PLD1: variants seen among roughly 807,000 people sequenced by gnomAD.
PLD1 encodes the protein phospholipase D1, also known as choline phosphatase 1.
In PLD1, 112 loss-of-function variants were observed where a neutral mutation model predicts 137.1. The ratio of observed to expected loss-of-function variants is 0.82; its 90% confidence interval spans 0.70 to 0.96. PLD1 has a LOEUF of 0.96. Ranked by LOEUF, PLD1 falls within the 40% of genes least tolerant of loss-of-function variation. The pLI is 0.00. For missense variants in PLD1, 1,321 were observed against 1,342.0 expected, an observed-to-expected ratio of 0.98 and a Z score of 0.24; for synonymous variants, 431 against 454.7, an observed-to-expected ratio of 0.95 and a Z score of 0.66.
chr3:171,684,980 A>G (rs1941804946), intron 16 of PLD1, among the ~76,000 whole-genome samples: 1 of 152,232 alleles, frequency 6.6e-6, no homozygotes. Context: ...CATTGTGTGT[A>G]GTTGATTATT....
At chr3:171,628,177 A>T (rs960543296) in intron 23 of PLD1, among the ~76,000 whole-genome samples, 11 of 152,350 alleles carry the variant, frequency 7.2e-5, no homozygotes, top group African/African-American at 1.7e-4. Context: ...GATAAAGGGG[A>T]TATCACCATC....
At chr3:171,736,857 A>C (rs1420099491) in intron 3 of PLD1, among the ~76,000 whole-genome samples, 1 of 152,244 alleles carries the variant, frequency 6.6e-6, no homozygotes, top group African/African-American at 2.4e-5. Context: ...CCAGCCAGGA[A>C]CAGAGAAAAG....
chr3:171,712,274 A>G (rs1405111156), intron 9 of PLD1, among the ~76,000 whole-genome samples: 1 of 152,184 alleles, frequency 6.6e-6, no homozygotes, highest in Non-Finnish European at 1.5e-5. Flanking sequence ...AAGCATCCCC[A>G]TCGCGTGTGG....
At chr3:171,634,143 C>T (rs1343977361) in intron 23 of PLD1, among the ~76,000 whole-genome samples, 1 of 152,130 alleles carries the variant, frequency 6.6e-6, no homozygotes, top group African/African-American at 2.4e-5. Flanking sequence ...AACATTTTCC[C>T]CACTGAGATG....
At chr3:171,794,778 T>C (rs777861901) in intron 1 of PLD1, among the ~76,000 whole-genome samples, 36 of 152,164 alleles carry the variant, frequency 2.4e-4, no homozygotes, top group Non-Finnish European at 4.6e-4. Context: ...TTTCAAATTA[T>C]ACAATAATAT....
At chr3:171,764,946 GAAAGAAAGAAAGAAAGAAAGAAA>G (rs1721837142) in intron 1 of PLD1, among the ~76,000 whole-genome samples, 1 of 22,984 alleles carries the variant, frequency 4.4e-5, no homozygotes, top group African/African-American at 1.6e-4. Context: ...AAGAAAGAAA[GAAAGAAAGAAAGAAAGAAAGAAA>G]GAAAGAAAGA....
chr3:171,705,699 C>A (rs1462483677), intron 11 of PLD1, among the ~76,000 whole-genome samples: 2 of 152,140 alleles, frequency 1.3e-5, no homozygotes, highest in Non-Finnish European at 2.9e-5. Flanking sequence ...CTGACAACAT[C>A]AAGTGCTAGC....
intron 19 of PLD1, among the ~76,000 whole-genome samples, chr3:171,669,590 G>A (rs969071126): frequency 1.3e-5 from 2 of 152,136 alleles, no homozygotes; most frequent in African/African-American, 4.8e-5. Flanking sequence ...TTAGTAGGAC[G>A]GGGTTTTGCC....
chr3:171,656,692 G>A (rs185612151), intron 21 of PLD1, among the ~76,000 whole-genome samples: 122 of 152,326 alleles, frequency 8.0e-4, no homozygotes, highest in Non-Finnish European at 1.6e-3. Context: ...TGTAGTCACA[G>A]GTGAGATCCA....
chr3:171,776,075 G>A (rs372986502), intron 1 of PLD1, among the ~76,000 whole-genome samples: 1 of 152,108 alleles, frequency 6.6e-6, no homozygotes, highest in Admixed American at 6.5e-5. Flanking sequence ...CGTAAACAAA[G>A]GGCTTTCACA....
chr3:171,641,379 T>A (rs181890887), intron 23 of PLD1, among the ~76,000 whole-genome samples: 18 of 152,304 alleles, frequency 1.2e-4, no homozygotes, highest in Non-Finnish European at 2.1e-4. Context: ...TTTTTGGAGA[T>A]CCTTCCTCTG....
intron 1 of PLD1, among the ~76,000 whole-genome samples, chr3:171,769,846 TG>T (rs1331158905): frequency 6.6e-6 from 1 of 152,000 alleles, no homozygotes; most frequent in African/African-American, 2.4e-5. Context: ...TATTTCGCAG[TG>T]GGGAAAAAAG....
intron 13 of PLD1, among the ~76,000 whole-genome samples, chr3:171,690,784 G>C (rs781533560): frequency 1.3e-5 from 2 of 152,160 alleles, no homozygotes; most frequent in Non-Finnish European, 2.9e-5. Context: ...AAGTGCACTT[G>C]AGAAGAATGT....
At chr3:171,735,329 T>A (rs182724474) in intron 4 of PLD1, among the ~76,000 whole-genome samples, 163 bp downstream of exon 4, 52 of 152,116 alleles carry the variant, frequency 3.4e-4, no homozygotes, top group Admixed American at 1.3e-3. Context: ...AGGGAGGAGG[T>A]CTTGCTACGT....
At chr3:171,633,206 C>A (rs1734822558) in intron 23 of PLD1, among the ~76,000 whole-genome samples, 1 of 152,072 alleles carries the variant, frequency 6.6e-6, no homozygotes, top group Admixed American at 6.5e-5. Flanking sequence ...GTACTTTATT[C>A]TGTGAAAAAA....
intron 9 of PLD1, among the ~76,000 whole-genome samples, chr3:171,713,246 G>A (rs1446922634): frequency 6.6e-6 from 1 of 152,194 alleles, no homozygotes; most frequent in Middle Eastern, 3.2e-3. Context: ...GATCACTTGA[G>A]GTCAGGAGTT....
intron 21 of PLD1, among the ~76,000 whole-genome samples, chr3:171,651,402 G>T (rs191662219): frequency 6.6e-6 from 1 of 151,896 alleles, no homozygotes; most frequent in African/African-American, 2.4e-5. Flanking sequence ...TGGATCTGTA[G>T]CTTCTTGGTC....
At chr3:171,702,975 A>C (rs1173848128) in intron 11 of PLD1, among the ~76,000 whole-genome samples, 1 of 152,180 alleles carries the variant, frequency 6.6e-6, no homozygotes, top group Non-Finnish European at 1.5e-5. Flanking sequence ...TTTACCAAAA[A>C]CACAGCAACT....
intron 1 of PLD1, among the ~76,000 whole-genome samples, chr3:171,744,213 C>T (rs73043871): frequency 0.031 from 4,735 of 152,266 alleles, 162 homozygotes; most frequent in African/African-American, 0.084. Flanking sequence ...ACTTTGCAGA[C>T]AGTCTGACAG....
Sources: allele counts gnomAD v4.1 joint callset (sites outside exome capture counted in the v4.1 genomes callset), GRCh38; gene constraint gnomAD v4.1.1; transcripts MANE v1.5; gene names NCBI Gene and HGNC (gene_info 2026-07-23, HGNC 2026-07-21).